The following GULP1 variants were observed in gnomAD, a reference collection of about 807,000 sequenced individuals.
GULP1 encodes the protein PTB domain-containing engulfment adapter protein 1.
In GULP1, 19 loss-of-function variants were observed where a neutral mutation model predicts 40.9. That is an observed-to-expected ratio of 0.46 (90% CI 0.32 to 0.68). The LOEUF is 0.68. Among genes scored for constraint, GULP1 ranks in the 30% least tolerant of loss-of-function variants. The pLI is 0.03. For synonymous variants in GULP1, 119 were observed against 117.6 expected (o/e 1.01, Z -0.08); for missense variants, 312 against 362.2 (o/e 0.86, Z 1.12).
Position 188,385,858 on chromosome 2 carries a change from C to G in GULP1, c.-45+1969C>G, listed in dbSNP as rs112306576. Among the ~76,000 whole-genome samples, 4 of 152,256 alleles carry G rather than the reference C, an allele frequency of 2.6e-5. No homozygotes were observed. In the East Asian group the frequency reaches 7.8e-4, roughly 30 times the overall value. On this transcript the variant is annotated intron_variant, in intron 2 of 11. Transcript: ENST00000409830. ...TCCTCATCTCTGTCTGAGACCACCT[C>G]AGCCTGGATGTCATTGTCCATATCA...
At chr2:188,515,696 TACAC>T (rs913571683) in intron 4 of GULP1, among the ~76,000 whole-genome samples, 12 of 143,658 alleles carry the variant, frequency 8.4e-5, no homozygotes, top group African/African-American at 1.7e-4. Context: ...CATACACACT[TACAC>T]ACACAGACAC....
chr2:188,333,772 C>T (rs1022774683), intron 1 of GULP1, among the ~76,000 whole-genome samples: 3 of 152,172 alleles, frequency 2.0e-5, no homozygotes, highest in Admixed American at 1.3e-4. Flanking sequence ...GCTTTGCCCT[C>T]AAGCCTGTGA....
intron 2 of GULP1, among the ~76,000 whole-genome samples, chr2:188,431,382 A>T (rs1314008275): frequency 6.6e-6 from 1 of 152,190 alleles, no homozygotes; most frequent in Non-Finnish European, 1.5e-5. Flanking sequence ...GAAGAGAGTT[A>T]GCATCTCAGG....
chr2:188,303,126 C>T (rs1311533353), intron 1 of GULP1, among the ~76,000 whole-genome samples: 1 of 152,070 alleles, frequency 6.6e-6, no homozygotes, highest in Non-Finnish European at 1.5e-5. Context: ...GCAATTTAAT[C>T]TTTTTCTGCC....
At chr2:188,565,615 G>A (rs1450399394) in intron 7 of GULP1, among the ~76,000 whole-genome samples, 1 of 151,916 alleles carries the variant, frequency 6.6e-6, no homozygotes, top group African/African-American at 2.4e-5. Flanking sequence ...TATTACTTTG[G>A]AAAACAGTTG....
In GULP1 at chr2:188,493,100, C is replaced by T. The variant is rs566043680; in HGVS notation, c.90+9608C>T. On this transcript the variant is annotated intron_variant, in intron 4 of 11. Coordinates refer to ENST00000409830, the MANE Select transcript of GULP1 (RefSeq NM_016315.4). ...TAACCAAACACTTTATTTACTATTTCTTCTTCTCTATTTACGAGACCTATG... is the reference window on the plus strand; with the variant it reads ...TAACCAAACACTTTATTTACTATTTTTTCTTCTCTATTTACGAGACCTATG... Among the ~76,000 whole-genome samples the T allele has an allele frequency of 1.6e-4, 25 of 152,126 alleles. No individual in the cohort carries two copies. The South Asian group carries it at 4.8e-3, about 29-fold the overall frequency.
intron 2 of GULP1, among the ~76,000 whole-genome samples, chr2:188,398,327 C>T (rs557865471): frequency 6.6e-6 from 1 of 152,298 alleles, no homozygotes; most frequent in Non-Finnish European, 1.5e-5. Flanking sequence ...GGTAATTTGT[C>T]ATGGCAGACA....
rs970844612 is a variant in GULP1 at position 188,584,310 on chromosome 2, A to G, written c.655A>G (p.Met219Val). Residue 219 changes from methionine to valine, a missense_variant, in exon 10 of 12, where the codon ATG becomes GTG. Coordinates refer to ENST00000409830, the MANE Select transcript of GULP1 (RefSeq NM_016315.4). The stretch of plus-strand genomic sequence containing the variant: ...GTCGCCCTCCACTGACATCTTTGAT[A>G]TGATTCCATTTTCTCCAATATCACA... ...PKSPSTDIFD[M>V]IPFSPISHQS... 3.1e-6 allele frequency: 5 copies of G among 1,608,512 alleles called. No individual in the cohort carries two copies. In the African/African-American group the frequency reaches 6.7e-5, roughly 22 times the overall value.
chr2:188,527,199 A>G (rs989013819), intron 5 of GULP1, among the ~76,000 whole-genome samples: 3 of 151,944 alleles, frequency 2.0e-5, no homozygotes, highest in Non-Finnish European at 4.4e-5. Flanking sequence ...TTTGTTGTAG[A>G]TGTTTCAGGG....
chr2:188,561,559 C>CACAT (rs1175414292), intron 7 of GULP1, among the ~76,000 whole-genome samples: 2 of 152,102 alleles, frequency 1.3e-5, no homozygotes, highest in African/African-American at 4.8e-5. Flanking sequence ...TTGGGTAATC[C>CACAT]ACATGATCCT....
intron 2 of GULP1, among the ~76,000 whole-genome samples, chr2:188,414,208 C>T (rs1272757677): frequency 7.5e-6 from 1 of 133,190 alleles, no homozygotes; most frequent in Non-Finnish European, 1.6e-5. Flanking sequence ...CAGAGCGAGA[C>T]TCCATCTCAA....
At chr2:188,467,709 C>A (rs1416438501) in intron 2 of GULP1, among the ~76,000 whole-genome samples, 1 of 151,996 alleles carries the variant, frequency 6.6e-6, no homozygotes, top group African/African-American at 2.4e-5. Flanking sequence ...TCCTCATTTA[C>A]AAATATCTTT....
intron 1 of GULP1, among the ~76,000 whole-genome samples, chr2:188,354,281 T>G (rs1253418612): frequency 6.6e-6 from 1 of 152,080 alleles, no homozygotes; most frequent in Admixed American, 6.6e-5. Flanking sequence ...CCCTGTTGGG[T>G]CTGGTTCCCA....
intron 6 of GULP1, among the ~76,000 whole-genome samples, chr2:188,539,352 G>C (rs1477137858): frequency 6.6e-6 from 1 of 151,930 alleles, no homozygotes; most frequent in African/African-American, 2.4e-5. Context: ...GAGCTATCGT[G>C]TAACAGAGAG....
chr2:188,518,243 G>A (rs186941422), intron 4 of GULP1, among the ~76,000 whole-genome samples: 298 of 152,136 alleles, frequency 2.0e-3, no homozygotes, highest in African/African-American at 5.0e-3. Flanking sequence ...GCTCCCAGAA[G>A]AAATCAGTAA....
chr2:188,363,786 T>G (rs74375526), intron 1 of GULP1, among the ~76,000 whole-genome samples: 2,390 of 152,196 alleles, frequency 0.016, 75 homozygotes, highest in African/African-American at 0.055. Context: ...GAACTGACAT[T>G]TGCAAGTTAA....
chr2:188,351,132 G>A (rs1412636450), intron 1 of GULP1, among the ~76,000 whole-genome samples: 1 of 151,964 alleles, frequency 6.6e-6, no homozygotes, highest in Non-Finnish European at 1.5e-5. Context: ...ATAATTCAGA[G>A]GATGGAATAT....
intron 2 of GULP1, among the ~76,000 whole-genome samples, chr2:188,388,789 T>C (rs895019935): frequency 2.6e-5 from 4 of 152,170 alleles, no homozygotes; most frequent in Admixed American, 2.6e-4. Flanking sequence ...TGTACCTGTA[T>C]GACAAACAAA....
chr2:188,586,964 TA>T (rs1248323045), intron 10 of GULP1, among the ~76,000 whole-genome samples: 7 of 151,992 alleles, frequency 4.6e-5, no homozygotes, highest in Admixed American at 2.6e-4. Flanking sequence ...ATTTCTTACA[TA>T]GAATTGAATT....
Sources: gnomAD v4.1 joint callset for allele counts (sites outside exome capture counted in the v4.1 genomes callset) on GRCh38, gnomAD v4.1.1 for gene constraint, MANE v1.5 for transcripts, NCBI Gene and HGNC (gene_info 2026-07-23, HGNC 2026-07-21) for gene names.